The following TBC1D12 variants were observed in gnomAD, a reference collection of about 807,000 sequenced individuals.
The protein encoded by TBC1D12 is TBC1 domain family member 12, also known as TBC1 domain family, member 12.
Under a neutral mutation model 86.7 loss-of-function variants are expected in TBC1D12, and 56 were observed. The ratio of observed to expected loss-of-function variants is 0.65; its 90% CI spans 0.52 to 0.81. TBC1D12 has a LOEUF of 0.81. TBC1D12 is among the 30% of genes least tolerant of loss of function. TBC1D12 has a pLI of 0.00. For missense variants in TBC1D12, 1,023 were observed against 1,038.8 expected (o/e 0.98, Z 0.21); for synonymous variants, 421 against 411.7 (o/e 1.02, Z -0.27).
intron 2 of TBC1D12, among the ~76,000 whole-genome samples, chr10:94,461,231 A>G (rs946999563): frequency 1.3e-5 from 2 of 152,192 alleles, no homozygotes; most frequent in Admixed American, 1.3e-4. Context: ...GAAGCATTCT[A>G]TAGTCCTATG....
intron 5 of TBC1D12, among the ~76,000 whole-genome samples, chr10:94,499,632 T>G (rs1188669985): frequency 6.6e-6 from 1 of 152,254 alleles, no homozygotes. Context: ...TGTGACATAT[T>G]ATCTGAGGCA....
intron 3 of TBC1D12, among the ~76,000 whole-genome samples, chr10:94,486,240 T>C (rs1435495355): frequency 6.7e-6 from 1 of 149,128 alleles, no homozygotes; most frequent in African/African-American, 2.5e-5. Flanking sequence ...CTTGACCTCC[T>C]AGGCTTAGGC....
chr10:94,492,397 C>T (rs1334743044), intron 3 of TBC1D12, among the ~76,000 whole-genome samples: 3 of 152,072 alleles, frequency 2.0e-5, no homozygotes, highest in Admixed American at 6.6e-5. Flanking sequence ...AAAGGTATAT[C>T]CACACTTACT....
chr10:94,465,659 T>A lies in TBC1D12; in HGVS notation c.1096-9009T>A, dbSNP rs867998580. On this transcript the variant is annotated intron_variant, in intron 2 of 12. Transcript: ENST00000225235. ...AGACTCTTGCCTAAAAAAAAAAATA[T>A]ATATATATATATGTGTGTGTGTGTG... Among the ~76,000 whole-genome samples the A allele has an allele frequency of 2.3e-3, 229 of 99,448 alleles. 1 individual carries two copies. The highest frequency in any genetic ancestry group is 4.2e-3 in the Non-Finnish European group (186 of 44,788). The allele number at this position is 99,448 out of a possible 152,430, so 65.2% of individuals were successfully genotyped here. A position where few individuals can be genotyped will look rare whatever the true frequency, so the allele number is the denominator to read the frequency against.
rs373421704 is a variant in TBC1D12 at position 94,441,957 on chromosome 10, A to C, written c.1033A>C (p.Lys345Gln). ...KSVVHSAPGW[K>Q]LFGKVPPREN... ...AGTTGTCCATAGTGCTCCTGGTTGG[A>C]AATTATTTGGTAAAGTCCCTCCTAG... Residue 345 changes from lysine (K) to glutamine (Q), a missense_variant, in exon 2 of 13, where the codon AAA becomes CAA. Lys to Gln is a moderately conservative substitution (Grantham distance 53). Transcript: ENST00000225235. The C allele has an allele frequency of 8.4e-5, 136 of 1,613,448 alleles. No homozygotes were observed. The highest frequency in any genetic ancestry group is 1.1e-4 in the Non-Finnish European group (127 of 1,179,744).
intron 2 of TBC1D12, among the ~76,000 whole-genome samples, chr10:94,458,694 G>C (rs755729453): frequency 6.6e-6 from 1 of 152,132 alleles, no homozygotes; most frequent in African/African-American, 2.4e-5. Flanking sequence ...TCGCGGTCTC[G>C]CTGGCTTCAG....
intron 3 of TBC1D12, among the ~76,000 whole-genome samples, chr10:94,488,055 A>C (rs2056194102): frequency 6.6e-6 from 1 of 151,942 alleles, no homozygotes; most frequent in Non-Finnish European, 1.5e-5. Context: ...AAGCTGTTTC[A>C]GGTATTATTT....
chr10:94,408,049 A>G (rs2054880650), intron 1 of TBC1D12, among the ~76,000 whole-genome samples: 1 of 152,208 alleles, frequency 6.6e-6, no homozygotes, highest in Non-Finnish European at 1.5e-5. Context: ...TATTTTTTAC[A>G]TAGATAGACT....
chr10:94,523,584 C>T (rs543782509), intron 11 of TBC1D12, among the ~76,000 whole-genome samples: 19 of 152,002 alleles, frequency 1.2e-4, no homozygotes, highest in East Asian at 5.8e-4. Context: ...AATGTAAATA[C>T]GATATACTTT....
chr10:94,475,470 A>G (rs531548245), intron 3 of TBC1D12, among the ~76,000 whole-genome samples: 36 of 152,264 alleles, frequency 2.4e-4, no homozygotes, highest in Non-Finnish European at 5.0e-4. Context: ...TTGCTCAGTC[A>G]CCCAGGCTGG....
At position 94,403,102 on chromosome 10, in the gene TBC1D12, G is replaced by A; in HGVS notation, c.489G>A (p.Ser163=). ...RGLARAGGRE[S]RRRRPYGRLR... The stretch of plus-strand genomic sequence containing the variant: ...TGGCGCGCGCCGGCGGCCGGGAGTC[G>A]CGCCGCCGCCGCCCCTACGGCCGCC... The change falls in exon 1 of 13, where the codon TCG becomes TCA. Residue 163 remains serine, a synonymous_variant. Coordinates refer to ENST00000225235, the MANE Select transcript of TBC1D12 (RefSeq NM_015188.2). 2 of 1,397,506 alleles carry A rather than the reference G, an allele frequency of 1.4e-6. No individual in the cohort carries two copies. Among genetic ancestry groups the A allele is most frequent in the Non-Finnish European group, 1.9e-6 (2 of 1,080,878 alleles). The allele number at this position is 1,397,506 out of a possible 1,614,324, so 86.6% of individuals were successfully genotyped here. A position where few individuals can be genotyped will look rare whatever the true frequency, so the allele number is the denominator to read the frequency against.
intron 7 of TBC1D12, 104 bp from the exon 8 acceptor site, chr10:94,509,987 C>T (rs2134204632): frequency 3.9e-6 from 3 of 761,386 alleles, no homozygotes; most frequent in Non-Finnish European, 6.5e-6. Flanking sequence ...GATTATTCAG[C>T]TTTTAACTTA....
intron 2 of TBC1D12, among the ~76,000 whole-genome samples, chr10:94,462,024 GAGTGGAAATCCAGAAGTC>G (rs1352366831): frequency 6.6e-6 from 1 of 152,276 alleles, no homozygotes; most frequent in African/African-American, 2.4e-5. Flanking sequence ...GTACAGGCTG[GAGTGGAAATCCAGAAGTC>G]AGTTTGCTAA....
chr10:94,445,496 A>G (rs2055448782), intron 2 of TBC1D12, among the ~76,000 whole-genome samples: 2 of 152,164 alleles, frequency 1.3e-5, no homozygotes, highest in Non-Finnish European at 1.5e-5. Context: ...CCTTTAACTG[A>G]CGATTATTTC....
intron 2 of TBC1D12, among the ~76,000 whole-genome samples, chr10:94,450,917 A>C (rs1240861893): frequency 3.3e-5 from 5 of 152,122 alleles, no homozygotes; most frequent in African/African-American, 1.2e-4. Context: ...CAGAAATGGA[A>C]AGTTAAACAC....
chr10:94,465,141 T>A (rs1056046697), intron 2 of TBC1D12, among the ~76,000 whole-genome samples: 25 of 152,366 alleles, frequency 1.6e-4, no homozygotes, highest in African/African-American at 5.0e-4. Flanking sequence ...AATTCTGTTA[T>A]AGAAAAATGC....
At chr10:94,482,484 C>T (rs1307703922) in intron 3 of TBC1D12, among the ~76,000 whole-genome samples, 2 of 151,228 alleles carry the variant, frequency 1.3e-5, no homozygotes, top group African/African-American at 2.4e-5. Flanking sequence ...GAGTTTTGCT[C>T]TTATTGCCCA....
intron 1 of TBC1D12, among the ~76,000 whole-genome samples, chr10:94,410,539 CCA>C (rs2054915893): frequency 6.6e-6 from 1 of 152,078 alleles, no homozygotes; most frequent in Non-Finnish European, 1.5e-5. Context: ...TCGTGCCCAG[CCA>C]CAGTTTTTTT....
At chr10:94,403,988 G>C (rs1158132292) in intron 1 of TBC1D12, among the ~76,000 whole-genome samples, 4 of 151,970 alleles carry the variant, frequency 2.6e-5, no homozygotes, top group Admixed American at 6.6e-5. Flanking sequence ...TAGGTTGTTG[G>C]GGGGGTGGTG....
Sources: gnomAD v4.1 joint callset for allele counts (sites outside exome capture counted in the v4.1 genomes callset) on GRCh38, gnomAD v4.1.1 for gene constraint, MANE v1.5 for transcripts, NCBI Gene and HGNC (gene_info 2026-07-23, HGNC 2026-07-21) for gene names.